XPO5: variants seen among roughly 807,000 people sequenced by gnomAD.
The protein encoded by XPO5 is exportin 5, also known as exportin-5.
In XPO5, 46 loss-of-function variants were observed where a neutral mutation model predicts 160.6. That is an observed-to-expected ratio of 0.29 (90% CI 0.23 to 0.37). The LOEUF is 0.37. Among genes scored for constraint, XPO5 ranks in the 10% least tolerant of loss-of-function variants. XPO5 has a pLI of 1.00. For missense variants in XPO5, 1,090 were observed against 1,463.9 expected, an observed-to-expected ratio of 0.74 and a Z score of 4.17; for synonymous variants, 537 against 519.3, an observed-to-expected ratio of 1.03 and a Z score of -0.46.
At chr6:43,528,755 G>T in intron 24 of XPO5, 73 bp downstream of exon 24, 2 of 1,424,040 alleles carry the variant, frequency 1.4e-6, no homozygotes, top group South Asian at 2.4e-5. Context: ...AGGAGCTCCT[G>T]ACTTGCAAAG....
chr6:43,565,571 A>AT, intron 8 of XPO5, 89 bp downstream of exon 8: 1 of 1,072,306 alleles, frequency 9.3e-7, no homozygotes. Context: ...CTCAAAATAA[A>AT]AAAAAAAAAA....
chr6:43,571,583 T>C (rs111833616), intron 3 of XPO5, among the ~76,000 whole-genome samples: 3,902 of 152,288 alleles, frequency 0.026, 153 homozygotes, highest in African/African-American at 0.086. Context: ...GAGGATTGCT[T>C]GAGGCCAGGG....
At position 43,522,695 on chromosome 6, in the gene XPO5, C is replaced by A. The variant is rs536522462; in HGVS notation, c.*1173G>T. 1.0e-5 allele frequency: 5 copies of A among 496,256 alleles called. No homozygotes were observed. Among genetic ancestry groups the A allele is most frequent in the Admixed American group, 4.1e-5 (2 of 49,280 alleles). 30.7% of individuals were successfully genotyped at this position (496,256 alleles called of 1,614,324 possible). A position where few individuals can be genotyped will look rare whatever the true frequency, so the allele number is the denominator to read the frequency against. ...TAAAAACTGTAGCTTCAGTCCACTT[C>A]GGCTCTCGGGGAAACCCTCTTGTCA... On this transcript the variant is annotated 3_prime_UTR_variant, in exon 32 of 32. Coordinates refer to ENST00000265351, the MANE Select transcript of XPO5 (RefSeq NM_020750.3).
intron 12 of XPO5, among the ~76,000 whole-genome samples, chr6:43,556,481 G>A (rs777315435): frequency 3.2e-4 from 47 of 148,212 alleles, no homozygotes; most frequent in Non-Finnish European, 6.2e-4. Context: ...AGCCATGATC[G>A]CAGCACCACT....
At chr6:43,564,568 C>T (rs1035058650) in intron 8 of XPO5, among the ~76,000 whole-genome samples, 1 of 151,878 alleles carries the variant, frequency 6.6e-6, no homozygotes, top group Non-Finnish European at 1.5e-5. Context: ...AATGAATTAA[C>T]TTTAGCTTAC....
chr6:43,565,406 A>G (rs1270745793), intron 8 of XPO5, among the ~76,000 whole-genome samples: 2 of 151,894 alleles, frequency 1.3e-5, no homozygotes, highest in Non-Finnish European at 2.9e-5. Context: ...GTCTCTACTA[A>G]AAATAGAAAA....
intron 2 of XPO5, among the ~76,000 whole-genome samples, chr6:43,572,941 T>C (rs1763085408): frequency 6.6e-6 from 1 of 152,236 alleles, no homozygotes; most frequent in African/African-American, 2.4e-5. Flanking sequence ...TCAGTCATTT[T>C]CTGTGCTGGC....
At position 43,548,304 on chromosome 6, in the gene XPO5, T is replaced by A. The variant is rs1795062748; in HGVS notation, c.2017A>T (p.Met673Leu). 1 of 1,612,968 alleles carries A rather than the reference T, an allele frequency of 6.2e-7. No individual in the cohort carries two copies. The highest frequency in any genetic ancestry group is 1.3e-5 in the African/African-American group (1 of 74,904). The change falls in exon 18 of 32, where the codon ATG becomes TTG. Residue 673 changes from methionine (M) to leucine (L), a missense_variant. Physicochemically the swap from Met to Leu is conservative, Grantham distance 15. Transcript: ENST00000265351. Reference sequence around the variant, plus strand: ...AGCCAGATGCTGGCCACTGGTGCCATCAGCTCCTCTAGGAACACCTTCTGA... The same window carrying A: ...AGCCAGATGCTGGCCACTGGTGCCAACAGCTCCTCTAGGAACACCTTCTGA... ...ERQKVFLEEL[M>L]APVASIWLSQ...
intron 20 of XPO5, among the ~76,000 whole-genome samples, chr6:43,540,515 T>A (rs1413449674): frequency 6.6e-6 from 1 of 151,768 alleles, no homozygotes; most frequent in African/African-American, 2.4e-5. Flanking sequence ...TAGCCAGGCA[T>A]GGTGGCACAC....
chr6:43,573,588 A>T lies in XPO5; in HGVS notation c.119T>A (p.Phe40Tyr). The T allele has an allele frequency of 6.2e-7, 1 of 1,612,810 alleles. No individual in the cohort carries two copies. Among genetic ancestry groups the T allele is most frequent in the Non-Finnish European group, 8.5e-7 (1 of 1,179,296 alleles). ...RLEALKFCEE[F>Y]KEKCPICVPC... Reference sequence around the variant, plus strand: ...GACACAGATAGGACACTTTTCTTTAAACTCCTCACAAAACTGAAAGAAGAA... The same window carrying T: ...GACACAGATAGGACACTTTTCTTTATACTCCTCACAAAACTGAAAGAAGAA... The change falls in exon 2 of 32, where the codon TTT becomes TAT. Residue 40 changes from phenylalanine to tyrosine, a missense_variant. Phe to Tyr is a conservative substitution (Grantham distance 22). Coordinates refer to ENST00000265351, the MANE Select transcript of XPO5 (RefSeq NM_020750.3).
chr6:43,537,707 A>ATT (rs1794422699), intron 20 of XPO5, among the ~76,000 whole-genome samples: 1 of 152,210 alleles, frequency 6.6e-6, no homozygotes, highest in South Asian at 2.1e-4. Context: ...CAGAGATGCA[A>ATT]TCATCAAAAT....
chr6:43,558,427 C>T (rs766901725), intron 12 of XPO5, 74 bp downstream of exon 12: 15 of 1,348,466 alleles, frequency 1.1e-5, no homozygotes, highest in Non-Finnish European at 1.5e-5. Flanking sequence ...ACCCCAAACA[C>T]CATGCACCAT....
chr6:43,523,831 A>T lies in XPO5; in HGVS notation c.*37T>A. ...CGGCTACAAAGGGAAAGAAGAGATG[A>T]CAAGAAAGGCCGAGGAAGGATGCCC... On this transcript the variant is annotated 3_prime_UTR_variant, in exon 32 of 32. Coordinates refer to ENST00000265351, the MANE Select transcript of XPO5 (RefSeq NM_020750.3). 1 of 1,613,914 alleles carries T rather than the reference A, an allele frequency of 6.2e-7. No homozygotes were observed. Among genetic ancestry groups the T allele is most frequent in the East Asian group, 2.2e-5 (1 of 44,882 alleles).
chr6:43,549,618 T>C (rs1051505099), intron 16 of XPO5, 40 bp from the exon 17 acceptor site: 8 of 1,599,600 alleles, frequency 5.0e-6, no homozygotes, highest in Non-Finnish European at 6.8e-6. Flanking sequence ...CTGCTTTTAA[T>C]ATAATATACA....
intron 24 of XPO5, 130 bp from the exon 25 acceptor site, chr6:43,528,335 A>G: frequency 1.2e-6 from 1 of 845,418 alleles, no homozygotes; most frequent in Non-Finnish European, 1.9e-6. Context: ...CAACTTCTGT[A>G]GACTCCACAC....
At chr6:43,570,742 T>C in intron 4 of XPO5, 58 bp from the exon 5 acceptor site, 1 of 1,533,608 alleles carries the variant, frequency 6.5e-7, no homozygotes, top group Non-Finnish European at 8.7e-7. Flanking sequence ...TTTATGTATA[T>C]CCAAAGGCTA....
intron 23 of XPO5, among the ~76,000 whole-genome samples, chr6:43,529,793 C>G (rs1793846089): frequency 6.6e-6 from 1 of 151,072 alleles, no homozygotes. Context: ...TGGTGGTGCG[C>G]ATCTGTGGTC....
At chr6:43,566,935 C>T (rs1762728164) in intron 7 of XPO5, among the ~76,000 whole-genome samples, 1 of 151,876 alleles carries the variant, frequency 6.6e-6, no homozygotes, top group Non-Finnish European at 1.5e-5. Flanking sequence ...CTGTAAATTG[C>T]CAAGTATCAT....
chr6:43,539,682 C>A (rs1409033428), intron 20 of XPO5: 1 of 892,684 alleles, frequency 1.1e-6, no homozygotes, highest in Admixed American at 2.5e-5. Flanking sequence ...GGCCCCCCCA[C>A]TGCACCGGCG....
Sources: allele counts gnomAD v4.1 joint callset (sites outside exome capture counted in the v4.1 genomes callset), GRCh38; gene constraint gnomAD v4.1.1; transcripts MANE v1.5; gene names NCBI Gene and HGNC (gene_info 2026-07-23, HGNC 2026-07-21).